SLC36A1: variants seen among roughly 807,000 people sequenced by gnomAD.
SLC36A1 encodes proton-coupled amino acid transporter 1.
A neutral mutation model predicts 47.5 loss-of-function variants in SLC36A1; 30 were observed. That is an observed-to-expected ratio of 0.63 (90% CI 0.47 to 0.86). The LOEUF (loss-of-function observed/expected upper bound fraction) is 0.86. Ranked by LOEUF, SLC36A1 falls within the 40% of genes least tolerant of loss-of-function variation. The pLI is 0.00. For synonymous variants in SLC36A1, 255 were observed against 249.7 expected, an observed-to-expected ratio of 1.02 and a Z score of -0.20; for missense variants, 517 against 606.0, an observed-to-expected ratio of 0.85 and a Z score of 1.54.
At chr5:151,433,247 TATATATATATATATATA>T (rs1759515613), upstream of SLC36A1, among the ~76,000 whole-genome samples, 1 of 14,434 alleles carries the variant, frequency 6.9e-5, no homozygotes, top group African/African-American at 2.8e-4. Context: ...TATATATATA[TATATATATATATATATA>T]TATTTTTTTT....
the SLC36A1 span, chr5:151,550,794 G>A: frequency 2.9e-5 from 47 of 1,613,980 alleles, no homozygotes; most frequent in South Asian, 5.2e-4. Flanking sequence ...CGGTGTCCTG[G>A]GGAACTCTGA....
chr5:151,466,728 G>A (rs1313745106), intron 5 of SLC36A1, among the ~76,000 whole-genome samples: 2 of 152,190 alleles, frequency 1.3e-5, no homozygotes, highest in Non-Finnish European at 2.9e-5. Context: ...GTGTGAGATG[G>A]GATAGGTGGG....
At chr5:151,518,003 G>T in the SLC36A1 span, among the ~76,000 whole-genome samples, 1 of 152,224 alleles carries the variant, frequency 6.6e-6, no homozygotes, top group South Asian at 2.1e-4. Flanking sequence ...TAGGTCCCAG[G>T]CTGGGTCAAG....
At chr5:151,518,555 C>T in the SLC36A1 span, among the ~76,000 whole-genome samples, 4 of 151,990 alleles carry the variant, frequency 2.6e-5, no homozygotes, top group Admixed American at 1.3e-4. Flanking sequence ...AGGATAGTTC[C>T]TTGTATGAGC....
intron 10 of SLC36A1, among the ~76,000 whole-genome samples, chr5:151,480,305 T>C (rs371932165): frequency 7.9e-5 from 12 of 152,194 alleles, no homozygotes; most frequent in African/African-American, 2.7e-4. Context: ...TTTTTAGGTT[T>C]TATTATTTTT....
chr5:151,541,110 C>A, the SLC36A1 span, among the ~76,000 whole-genome samples: 1 of 152,294 alleles, frequency 6.6e-6, no homozygotes, highest in East Asian at 1.9e-4. Context: ...CATAGCTATA[C>A]AACAGTGGAG....
upstream of SLC36A1, among the ~76,000 whole-genome samples, chr5:151,445,414 C>G (rs1263013351): frequency 6.6e-6 from 1 of 152,162 alleles, no homozygotes; most frequent in Non-Finnish European, 1.5e-5. Context: ...TACCAATGTG[C>G]ATTAGCGAAA....
chr5:151,458,308 ATACG>A (rs1388546940), intron 1 of SLC36A1, among the ~76,000 whole-genome samples: 3 of 80,134 alleles, frequency 3.7e-5, no homozygotes, highest in African/African-American at 1.6e-4. Flanking sequence ...ACACGTGTAT[ATACG>A]TATATATATA....
chr5:151,387,572 A>G, the SLC36A1 span, among the ~76,000 whole-genome samples: 1 of 152,152 alleles, frequency 6.6e-6, no homozygotes, highest in Non-Finnish European at 1.5e-5. Flanking sequence ...CATCTCTTCA[A>G]TGAGTGGGGT....
chr5:151,451,034 A>G (rs1172685676), intron 1 of SLC36A1: 2 of 152,212 alleles, frequency 1.3e-5, no homozygotes, highest in Admixed American at 6.5e-5. Flanking sequence ...TGTGATGAGC[A>G]CATAAAGGTA....
downstream of SLC36A1, among the ~76,000 whole-genome samples, chr5:151,495,330 T>C (rs141940031): frequency 6.6e-6 from 1 of 152,236 alleles, no homozygotes; most frequent in Non-Finnish European, 1.5e-5. Context: ...TCTTTTGATA[T>C]AGGTTTTTTA....
the SLC36A1 span, chr5:151,378,206 C>T: frequency 8.2e-6 from 2 of 243,282 alleles, no homozygotes; most frequent in Non-Finnish European, 1.7e-5. Context: ...CTTCATGAGA[C>T]TGTACAAACC....
At chr5:151,510,250 G>GTGTT in the SLC36A1 span, 1 of 1,493,516 alleles carries the variant, frequency 6.7e-7, no homozygotes, top group African/African-American at 1.4e-5. Flanking sequence ...GCAGACTGGT[G>GTGTT]TGTTTGTGCA....
the SLC36A1 span, among the ~76,000 whole-genome samples, chr5:151,552,177 G>A: frequency 6.6e-6 from 1 of 152,076 alleles, no homozygotes; most frequent in African/African-American, 2.4e-5. Flanking sequence ...AGGCTGGAGT[G>A]TATGGTGCAA....
intron 1 of SLC36A1, among the ~76,000 whole-genome samples, chr5:151,451,788 A>G (rs997418377): frequency 2.6e-5 from 4 of 152,128 alleles, no homozygotes; most frequent in African/African-American, 7.2e-5. Context: ...GGTGCTTTTT[A>G]TTATGCAGAA....
the SLC36A1 span, among the ~76,000 whole-genome samples, chr5:151,428,334 A>C: frequency 6.6e-6 from 1 of 152,094 alleles, no homozygotes; most frequent in Admixed American, 6.5e-5. Flanking sequence ...ATTGTCCCTC[A>C]GCAGAAAAAA....
intron 2 of SLC36A1, among the ~76,000 whole-genome samples, chr5:151,461,546 T>G (rs1755517762): frequency 6.6e-6 from 1 of 152,212 alleles, no homozygotes; most frequent in Non-Finnish European, 1.5e-5. Flanking sequence ...CTTTGTGGGC[T>G]TCCCAAGACC....
intron 1 of SLC36A1, among the ~76,000 whole-genome samples, chr5:151,452,730 C>T (rs943792523): frequency 8.6e-5 from 13 of 151,516 alleles, no homozygotes; most frequent in Non-Finnish European, 1.5e-4. Context: ...ATTATCTGGG[C>T]ATGGTGATGG....
chr5:151,420,651 C>A, the SLC36A1 span, among the ~76,000 whole-genome samples: 2 of 152,038 alleles, frequency 1.3e-5, no homozygotes, highest in African/African-American at 4.8e-5. Context: ...AGTAATAGTA[C>A]CTATTATAAA....
Sources: allele counts gnomAD v4.1 joint callset (sites outside exome capture counted in the v4.1 genomes callset), GRCh38; gene constraint gnomAD v4.1.1; transcripts MANE v1.5; gene names NCBI Gene and HGNC (gene_info 2026-07-23, HGNC 2026-07-21).